The following RERE variants were observed in gnomAD, a reference collection of about 807,000 sequenced individuals.
RERE encodes the protein arginine-glutamic acid dipeptide repeats protein.
A neutral mutation model predicts 146.1 loss-of-function variants in RERE; 40 were observed. That is an observed-to-expected ratio of 0.27 (90% CI 0.21 to 0.36). The LOEUF is 0.36. Ranked by LOEUF, RERE falls within the 10% of genes least tolerant of loss-of-function variation. The pLI is 1.00. For missense variants in RERE, 1,933 were observed against 2,138.7 expected (o/e 0.90, Z 1.90); for synonymous variants, 1,003 against 866.0 (o/e 1.16, Z -2.78).
chr1:8,525,922 T>C (rs1645564624), intron 7 of RERE: 1 of 1,393,028 alleles, frequency 7.2e-7, no homozygotes, highest in Non-Finnish European at 9.3e-7. Context: ...TCACTGAGCT[T>C]GTGCTATGAC....
In RERE at chr1:8,603,125, A is replaced by T. The variant is rs957734897; in HGVS notation, c.522+11436T>A. Among the ~76,000 whole-genome samples the T allele has an allele frequency of 2.6e-4, 39 of 152,252 alleles. 1 individual carries two copies. Among genetic ancestry groups the T allele is most frequent in the African/African-American group, 9.2e-4 (38 of 41,462 alleles). On this transcript the variant is annotated intron_variant, in intron 4 of 22. Coordinates refer to ENST00000400908, the MANE Select transcript of RERE (RefSeq NM_001042681.2). ...ATTTTTCATTTCAATGTATACCTTA[A>T]TATTTTTAACATCCATTTTTGGAAT...
At chr1:8,390,845 G>T (rs570638916) in intron 12 of RERE, among the ~76,000 whole-genome samples, 1 of 148,978 alleles carries the variant, frequency 6.7e-6, no homozygotes, top group African/African-American at 2.4e-5. Flanking sequence ...CTGTGCCAGC[G>T]GGGGGTCCTC....
intron 1 of RERE, among the ~76,000 whole-genome samples, chr1:8,709,685 A>G (rs1330931213): frequency 1.3e-5 from 2 of 152,212 alleles, no homozygotes; most frequent in Admixed American, 6.5e-5. Flanking sequence ...ATTACTGCAA[A>G]GAACTGAACA....
At chr1:8,681,860 A>G (rs955342897) in intron 1 of RERE, among the ~76,000 whole-genome samples, 1 of 152,208 alleles carries the variant, frequency 6.6e-6, no homozygotes, top group Non-Finnish European at 1.5e-5. Context: ...GGAAGGCGAA[A>G]TTGATTCTTT....
At chr1:8,389,259 T>C (rs188477305) in intron 12 of RERE, among the ~76,000 whole-genome samples, 84 of 152,302 alleles carry the variant, frequency 5.5e-4, no homozygotes, top group Admixed American at 1.2e-3. Context: ...CTCAGGGGTA[T>C]GAAGAATATG....
At chr1:8,506,377 T>TA (rs1356660652) in intron 8 of RERE, among the ~76,000 whole-genome samples, 1 of 152,258 alleles carries the variant, frequency 6.6e-6, no homozygotes, top group Non-Finnish European at 1.5e-5. Context: ...TTCTATAAAC[T>TA]ATGTGACCCT....
intron 4 of RERE, among the ~76,000 whole-genome samples, chr1:8,582,579 G>T (rs893576460): frequency 2.0e-5 from 3 of 151,950 alleles, no homozygotes; most frequent in African/African-American, 7.3e-5. Flanking sequence ...AAAATTAGCT[G>T]GGTGTGGTGG....
chr1:8,649,786 T>C lies in RERE; in HGVS notation c.325+6187A>G, dbSNP rs539629483. Among the ~76,000 whole-genome samples, 395 of 152,116 alleles carry C rather than the reference T, an allele frequency of 2.6e-3. 2 individuals carry two copies. The highest frequency in any genetic ancestry group is 9.0e-3 in the African/African-American group (375 of 41,508). ...GGAATACACACTATGTGTACACTAT[T>C]GTCAGTAGATGGCAGGAATTCAATG... is the stretch of plus-strand genomic sequence containing the variant. On this transcript the variant is annotated intron_variant, in intron 2 of 22. Transcript: ENST00000400908.
At chr1:8,690,317 T>C (rs1639182600) in intron 1 of RERE, among the ~76,000 whole-genome samples, 1 of 152,180 alleles carries the variant, frequency 6.6e-6, no homozygotes, top group Non-Finnish European at 1.5e-5. Context: ...AATCACATCA[T>C]GAGGAGCCCC....
At chr1:8,604,977 C>A (rs1178572128) in intron 4 of RERE, among the ~76,000 whole-genome samples, 1 of 152,116 alleles carries the variant, frequency 6.6e-6, no homozygotes, top group African/African-American at 2.4e-5. Flanking sequence ...TGTTTGCCAC[C>A]CATACAGCTG....
intron 1 of RERE, among the ~76,000 whole-genome samples, chr1:8,664,933 T>C (rs1638536864): frequency 6.6e-6 from 1 of 152,192 alleles, no homozygotes; most frequent in East Asian, 1.9e-4. Context: ...ATCCCCACTT[T>C]ACAATACGTC....
chr1:8,639,733 G>A (rs976187085), intron 2 of RERE, among the ~76,000 whole-genome samples: 8 of 152,132 alleles, frequency 5.3e-5, no homozygotes, highest in Non-Finnish European at 1.0e-4. Context: ...AGCATACCAG[G>A]TGAGACCTTT....
chr1:8,777,421 G>GA (rs1641085082), intron 1 of RERE, among the ~76,000 whole-genome samples: 1 of 149,722 alleles, frequency 6.7e-6, no homozygotes, highest in South Asian at 2.1e-4. Context: ...ACTTTTTGAA[G>GA]AAAAATATCA....
At chr1:8,523,031 A>T (rs1267095241) in intron 7 of RERE, among the ~76,000 whole-genome samples, 3 of 152,134 alleles carry the variant, frequency 2.0e-5, no homozygotes, top group Non-Finnish European at 4.4e-5. Flanking sequence ...ACAAAAAATT[A>T]GCCAGGTGTG....
chr1:8,656,156 T>C lies in RERE; in HGVS notation c.142A>G (p.Lys48Glu). ...RRSCTLEGGA[K>E]NYAESDHSED... The stretch of plus-strand genomic sequence containing the variant: ...CTGTGATCACTCTCAGCATAATTTT[T>C]GGCTCCTCCTTCCAAGGTACAGCTC... Residue 48 changes from lysine (K) to glutamate (E), a missense_variant, in exon 2 of 23, where the codon AAA becomes GAA. Coordinates refer to ENST00000400908, the MANE Select transcript of RERE (RefSeq NM_001042681.2). 1.2e-6 allele frequency: 2 copies of C among 1,614,128 alleles called. No homozygotes were observed. The highest frequency in any genetic ancestry group is 1.7e-6 in the Non-Finnish European group (2 of 1,179,940).
intron 12 of RERE, among the ~76,000 whole-genome samples, chr1:8,385,996 ATATATATATATATATATATATATATATT>A (rs1557603073): frequency 3.9e-5 from 1 of 25,356 alleles, no homozygotes; most frequent in Non-Finnish European, 7.2e-5. Flanking sequence ...AAAAAAAAAT[ATATATATATATATATATATATATATATT>A]TTTTTTTTTT....
chr1:8,359,548 G>A (rs899927385), intron 19 of RERE, among the ~76,000 whole-genome samples: 1 of 152,212 alleles, frequency 6.6e-6, no homozygotes, highest in Non-Finnish European at 1.5e-5. Flanking sequence ...GTCACTGCTG[G>A]GAGTCAGCCT....
intron 4 of RERE, among the ~76,000 whole-genome samples, chr1:8,607,250 C>T (rs1646726140): frequency 1.3e-5 from 2 of 151,618 alleles, no homozygotes; most frequent in African/African-American, 4.8e-5. Flanking sequence ...TTCCCGGCTA[C>T]TCAGGAGGCT....
At chr1:8,572,151 T>C (rs1018495794) in intron 4 of RERE, among the ~76,000 whole-genome samples, 4 of 152,198 alleles carry the variant, frequency 2.6e-5, no homozygotes, top group African/African-American at 9.6e-5. Context: ...ATACACACAA[T>C]AAAATTAACT....
Sources: gnomAD v4.1 joint callset for allele counts (sites outside exome capture counted in the v4.1 genomes callset) on GRCh38, gnomAD v4.1.1 for gene constraint, MANE v1.5 for transcripts, NCBI Gene and HGNC (gene_info 2026-07-23, HGNC 2026-07-21) for gene names.